Variants in GLB1L2 observed in about 807,000 individuals in gnomAD.
GLB1L2 encodes beta-galactosidase-1-like protein 2.
Under a neutral mutation model 84.1 loss-of-function variants are expected in GLB1L2, and 68 were observed. The ratio of observed to expected loss-of-function variants is 0.81; its 90% confidence interval spans 0.67 to 0.99. The LOEUF (loss-of-function observed/expected upper bound fraction) is 0.99. Among genes scored for constraint, GLB1L2 ranks in the 50% least tolerant of loss-of-function variants. The pLI is 0.00. For synonymous variants in GLB1L2, 290 were observed against 318.0 expected, an observed-to-expected ratio of 0.91 and a Z score of 0.94; for missense variants, 762 against 805.6, an observed-to-expected ratio of 0.95 and a Z score of 0.66.
In GLB1L2 at chr11:134,370,900, C is replaced by A; in HGVS notation, c.1216-108C>A. 1 of 1,262,192 alleles carries A rather than the reference C, an allele frequency of 7.9e-7. No homozygotes were observed. The highest frequency in any genetic ancestry group is 1.1e-6 in the Non-Finnish European group (1 of 895,122). The allele number at this position is 1,262,192 out of a possible 1,614,324, so 78.2% of individuals were successfully genotyped here. On this transcript the variant is annotated intron_variant, in intron 12 of 18. Coordinates refer to ENST00000535456, the MANE Select transcript of GLB1L2 (RefSeq NM_001370461.1). This position sits in a 1 kb window ranked among gnomAD's most constrained non-coding sequence, Gnocchi z 4.7. ...TGCAATGAGAAGTCAAAGTAGAAAA[C>A]ACCCACCAAACCTCCGCTTCCACCC...
rs368827395 is a variant in GLB1L2 at position 134,371,805 on chromosome 11, G to A, written c.1482G>A (p.Gly494=). The part of the protein sequence containing the change: ...LVENRGRVNY[G]ENIDDQRKGL... ...AGAATCGTGGGCGAGTCAACTATGG[G>A]GAGAATATTGATGACCAGCGCAAAG... Residue 494 remains glycine, a synonymous_variant, in exon 15 of 19, where the codon GGG becomes GGA. Transcript: ENST00000535456. The A allele has an allele frequency of 7.4e-6, 12 of 1,614,046 alleles. No individual in the cohort carries two copies. In the African/African-American group the frequency reaches 1.5e-4, roughly 20 times the overall value.
rs1943353171 is a variant in GLB1L2, at chr11:134,334,621, G to T, written c.86+2474G>T. On this transcript the variant is annotated intron_variant, in intron 1 of 18. Coordinates refer to ENST00000535456, the MANE Select transcript of GLB1L2 (RefSeq NM_001370461.1). This position sits in a 1 kb window ranked among gnomAD's most constrained non-coding sequence, Gnocchi z 4.1. Reference sequence around the variant, plus strand: ...GTGAAAACAGCCACCAGCCCCCAAAGTTTCCATGTACCTCTCTGTCATCCC... The same window carrying T: ...GTGAAAACAGCCACCAGCCCCCAAATTTTCCATGTACCTCTCTGTCATCCC... Among the ~76,000 whole-genome samples, 2 of 152,040 alleles carry T rather than the reference G, an allele frequency of 1.3e-5. 1 individual carries two copies. The highest frequency in any genetic ancestry group is 3.9e-4 in the East Asian group (2 of 5,190).
At position 134,371,805 on chromosome 11, in the gene GLB1L2, G is replaced by T; in HGVS notation, c.1482G>T (p.Gly494=). The T allele has an allele frequency of 6.2e-7, 1 of 1,614,164 alleles. No individual in the cohort carries two copies. Among genetic ancestry groups the T allele is most frequent in the Non-Finnish European group, 8.5e-7 (1 of 1,180,026 alleles). ...AGAATCGTGGGCGAGTCAACTATGG[G>T]GAGAATATTGATGACCAGCGCAAAG... ...LVENRGRVNY[G]ENIDDQRKGL... Residue 494 remains glycine (G), a synonymous_variant, in exon 15 of 19, where the codon GGG becomes GGT. Transcript: ENST00000535456.
intron 1 of GLB1L2, among the ~76,000 whole-genome samples, chr11:134,341,114 A>T (rs1943455090): frequency 6.6e-6 from 1 of 152,244 alleles, no homozygotes. Flanking sequence ...CACATTAGGG[A>T]CATAAAACCC....
Position 134,374,157 on chromosome 11 carries a change from C to T in GLB1L2, c.1608C>T (p.Asp536=), listed in dbSNP as rs939424266. The stretch of plus-strand genomic sequence containing the variant: ...GTTCTGTCCTTAGGTTCGGCCTGGA[C>T]AAATGGAGTTCCCTCCCAGAAACAC... ...KKSFFQRFGL[D]KWSSLPETPT... is the part of the protein sequence containing the mutation. The change falls in exon 17 of 19, where the codon GAC becomes GAT. Residue 536 remains aspartate (D), a synonymous_variant. Transcript: ENST00000535456. 4 of 1,613,278 alleles carry T rather than the reference C, an allele frequency of 2.5e-6. No individual in the cohort carries two copies. Among genetic ancestry groups the T allele is most frequent in the African/African-American group, 2.7e-5 (2 of 74,924 alleles).
At chr11:134,348,049 G>A (rs1257067181) in intron 5 of GLB1L2, among the ~76,000 whole-genome samples, 2 of 152,162 alleles carry the variant, frequency 1.3e-5, no homozygotes, top group Admixed American at 6.5e-5. Flanking sequence ...TGGAAAGCAG[G>A]AATGGGAAAA....
chr11:134,356,470 C>A, intron 6 of GLB1L2, 77 bp downstream of exon 6: 1 of 995,800 alleles, frequency 1.0e-6, no homozygotes, highest in South Asian at 1.4e-5. Context: ...ACATGTGGGT[C>A]TAATATTTTT....
Position 134,370,500 on chromosome 11 carries a change from C to T in GLB1L2, c.1215+101C>T, listed in dbSNP as rs1487726005. The T allele has an allele frequency of 1.2e-5, 11 of 886,702 alleles. No individual in the cohort carries two copies. The highest frequency in any genetic ancestry group is 2.5e-5 in the East Asian group (1 of 39,828). The allele number at this position is 886,702 out of a possible 1,614,324, so 54.9% of individuals were successfully genotyped here. On this transcript the variant is annotated intron_variant, in intron 12 of 18. Transcript: ENST00000535456. This position sits in a 1 kb window ranked among gnomAD's most constrained non-coding sequence, Gnocchi z 4.7. ...GCAGTCGTCGGCGGGAGGTGAGAGT[C>T]GTCGGGGCAGCAGGGCCTGGAGCCC...
At chr11:134,374,900 C>A in intron 18 of GLB1L2, 72 bp from the exon 19 acceptor site, 1 of 1,437,774 alleles carries the variant, frequency 7.0e-7, no homozygotes, top group South Asian at 1.2e-5. Context: ...TCTGACCCTG[C>A]CACCTCTCAG....
In GLB1L2 at chr11:134,371,451, T is replaced by G. The variant is rs1380516545; in HGVS notation, c.1387T>G (p.Leu463Val). Residue 463 changes from leucine to valine, a missense_variant, in exon 14 of 19, where the codon TTG (leucine) becomes GTG (valine). Coordinates refer to ENST00000535456, the MANE Select transcript of GLB1L2 (RefSeq NM_001370461.1). ...VFVNTVSIGF[L>V]DYKTTKIAVP... ...TGTGAACACAGTATCCATAGGATTC[T>G]TGGACTACAAGACAACGAAGATTGC... is the stretch of plus-strand genomic sequence containing the variant. 7.5e-6 allele frequency: 12 copies of G among 1,602,424 alleles called. No homozygotes were observed. Among genetic ancestry groups the G allele is most frequent in the Non-Finnish European group, 9.4e-6 (11 of 1,169,428 alleles).
chr11:134,343,489 T>C (rs1259231738), intron 2 of GLB1L2, among the ~76,000 whole-genome samples: 8 of 152,100 alleles, frequency 5.3e-5, no homozygotes, highest in Non-Finnish European at 8.8e-5. Flanking sequence ...TCATGGGTTT[T>C]CCCCCCAAAT....
At chr11:134,352,804 C>T (rs573902985) in intron 5 of GLB1L2, among the ~76,000 whole-genome samples, 2 of 152,138 alleles carry the variant, frequency 1.3e-5, no homozygotes, top group Admixed American at 6.5e-5. Flanking sequence ...CCCGTGACCA[C>T]GCCCGGCTGA....
intron 7 of GLB1L2, among the ~76,000 whole-genome samples, chr11:134,363,303 G>A (rs986256229): frequency 8.5e-5 from 13 of 152,200 alleles, no homozygotes; most frequent in South Asian, 2.1e-4. Flanking sequence ...TCACTTCCCC[G>A]GAGCCCCAGC....
chr11:134,347,916 C>A (rs927188873), intron 5 of GLB1L2, among the ~76,000 whole-genome samples: 1 of 152,202 alleles, frequency 6.6e-6, no homozygotes, highest in Non-Finnish European at 1.5e-5. Context: ...GCTGACTTTA[C>A]GAGATACTTC....
At chr11:134,361,941 C>G (rs1214428192) in intron 7 of GLB1L2, among the ~76,000 whole-genome samples, 6 of 152,198 alleles carry the variant, frequency 3.9e-5, no homozygotes, top group Admixed American at 3.9e-4. Context: ...CCTCAGGGAG[C>G]CCGCCCTCCC....
intron 5 of GLB1L2, among the ~76,000 whole-genome samples, chr11:134,348,655 G>A (rs922837559): frequency 4.6e-5 from 7 of 152,114 alleles, no homozygotes; most frequent in East Asian, 3.8e-4. Context: ...ACAGCTCAGC[G>A]GCATTGAGTC....
intron 15 of GLB1L2, chr11:134,372,613 A>G (rs1591626384): frequency 6.6e-6 from 1 of 152,238 alleles, no homozygotes; most frequent in African/African-American, 2.4e-5. Flanking sequence ...GTTATAAAAA[A>G]AGAACTCAGA....
In GLB1L2 at chr11:134,334,018, C is replaced by G. The variant is rs1280482474; in HGVS notation, c.86+1871C>G. ...GGTACATTCTGCCAGTTCCTCCTGT[C>G]TGACTTGGGCTGGACACCAGTGAGT... is the stretch of plus-strand genomic sequence containing the variant. On this transcript the variant is annotated intron_variant, in intron 1 of 18. Transcript: ENST00000535456. The surrounding 1 kb of genome is among the most constrained non-coding windows in gnomAD (Gnocchi z 4.1). 6.6e-6 allele frequency among the ~76,000 whole-genome samples: 1 copy of G among 152,180 alleles called. No homozygotes were observed. The highest frequency in any genetic ancestry group is 1.5e-5 in the Non-Finnish European group (1 of 68,032).
intron 10 of GLB1L2, 70 bp from the exon 11 acceptor site, chr11:134,369,735 C>G: frequency 7.2e-7 from 1 of 1,393,554 alleles, no homozygotes; most frequent in Non-Finnish European, 1.0e-6. Flanking sequence ...CCAAGCTTCT[C>G]CCTGTTCTTC....
Sources: gnomAD v4.1 joint callset for allele counts (sites outside exome capture counted in the v4.1 genomes callset) on GRCh38, gnomAD v4.1.1 for gene constraint, Gnocchi (gnomAD v3.1) non-coding constraint, MANE v1.5 for transcripts, NCBI Gene and HGNC (gene_info 2026-07-23, HGNC 2026-07-21) for gene names.